Variants in KCNU1 observed in about 807,000 individuals in gnomAD.
KCNU1 encodes the protein potassium calcium-activated channel subfamily U member 1.
A neutral mutation model predicts 126.8 loss-of-function variants in KCNU1; 93 were observed. The observed-to-expected ratio is 0.73, with a 90% CI of 0.62 to 0.87. The LOEUF is 0.87. KCNU1 is among the 40% of genes least tolerant of loss of function. The probability of loss-of-function intolerance (pLI) is 0.00; values close to 1 mark genes in which losing one functional copy is unlikely to be tolerated. For missense variants in KCNU1, 1,330 were observed against 1,367.1 expected (o/e 0.97, Z 0.43); for synonymous variants, 523 against 494.2 (o/e 1.06, Z -0.77).
intron 19 of KCNU1, among the ~76,000 whole-genome samples, chr8:36,883,627 A>G (rs1327779619): frequency 6.6e-6 from 1 of 151,996 alleles, no homozygotes; most frequent in African/African-American, 2.4e-5. Flanking sequence ...CTACAAAAAA[A>G]GAAAACCACA....
chr8:36,909,364 A>G lies in KCNU1; in HGVS notation c.2160A>G (p.Val720=). 1 of 1,613,750 alleles carries G rather than the reference A, an allele frequency of 6.2e-7. No individual in the cohort carries two copies. The highest frequency in any genetic ancestry group is 8.5e-7 in the Non-Finnish European group (1 of 1,179,698). ...YKFRNHIVAC[V]FGDAHSAPMG... ...TTCGGAACCATATTGTAGCATGTGT[A>G]TTTGGAGATGCCCACTCAGCCCCGA... The change falls in exon 21 of 27, where the codon GTA becomes GTG. Residue 720 remains valine, a synonymous_variant. Coordinates refer to ENST00000399881, the MANE Select transcript of KCNU1 (RefSeq NM_001031836.3).
chr8:36,807,255 T>C, intron 5 of KCNU1, 120 bp from the exon 6 acceptor site: 3 of 739,502 alleles, frequency 4.1e-6, no homozygotes, highest in Non-Finnish European at 7.1e-6. Context: ...AACATGAGAA[T>C]AGATTTGGAA....
At chr8:36,877,798 C>A (rs1477055549) in intron 19 of KCNU1, among the ~76,000 whole-genome samples, 2 of 152,092 alleles carry the variant, frequency 1.3e-5, no homozygotes, top group African/African-American at 2.4e-5. Context: ...TTCTCCATGC[C>A]CTTAAGAATG....
chr8:36,813,580 T>C (rs1413168859), intron 7 of KCNU1, among the ~76,000 whole-genome samples: 1 of 151,254 alleles, frequency 6.6e-6, no homozygotes, highest in Non-Finnish European at 1.5e-5. Flanking sequence ...TTACCTCATT[T>C]ATCTAATATT....
chr8:36,934,694 C>G (rs1808802252), intron 26 of KCNU1, among the ~76,000 whole-genome samples: 1 of 152,080 alleles, frequency 6.6e-6, no homozygotes, highest in South Asian at 2.1e-4. Context: ...GAAGGAAATT[C>G]AATGGTGCCT....
At chr8:36,918,270 G>C (rs921448615) in intron 22 of KCNU1, among the ~76,000 whole-genome samples, 1 of 152,032 alleles carries the variant, frequency 6.6e-6, no homozygotes, top group East Asian at 1.9e-4. Flanking sequence ...AGCCAGGCAC[G>C]ATGGCTCATA....
chr8:36,919,828 A>G (rs1364582124), intron 23 of KCNU1, among the ~76,000 whole-genome samples: 1 of 152,242 alleles, frequency 6.6e-6, no homozygotes, highest in African/African-American at 2.4e-5. Flanking sequence ...ATCCCAAATT[A>G]GGTGAACATC....
At position 36,840,529 on chromosome 8, in the gene KCNU1, C is replaced by T. The variant is rs751214085; in HGVS notation, c.1585C>T (p.Arg529Cys). The change falls in exon 15 of 27, where the codon CGT (arginine) becomes TGT (cysteine). Residue 529 changes from arginine to cysteine, a missense_variant. This residue lies in a region of KCNU1 where 1,054 missense variants were observed against 1,053.9 expected (regional missense o/e 1.00). Coordinates refer to ENST00000399881, the MANE Select transcript of KCNU1 (RefSeq NM_001031836.3). ...NSMKNKILTQRLSDDFAGMSF... is the reference protein window; with the variant it reads ...NSMKNKILTQCLSDDFAGMSF... ...CATGAAAAACAAAATTCTGACCCAACGTCTCTCTGATGACTTTGCTGGAAT... is the reference window on the plus strand; with the variant it reads ...CATGAAAAACAAAATTCTGACCCAATGTCTCTCTGATGACTTTGCTGGAAT... 169 of 1,612,714 alleles carry T rather than the reference C, an allele frequency of 1.0e-4. No homozygotes were observed. Among genetic ancestry groups the T allele is most frequent in the Non-Finnish European group, 1.2e-4 (141 of 1,179,106 alleles).
At chr8:36,893,031 A>C (rs985177887) in intron 19 of KCNU1, among the ~76,000 whole-genome samples, 2 of 152,118 alleles carry the variant, frequency 1.3e-5, no homozygotes, top group African/African-American at 4.8e-5. Flanking sequence ...GCATGATCTC[A>C]GCTCACTGCA....
rs1238545977 is a variant in KCNU1 at position 36,909,501 on chromosome 8, T to A, written c.2297T>A (p.Phe766Tyr). 1 of 1,611,144 alleles carries A rather than the reference T, an allele frequency of 6.2e-7. No individual in the cohort carries two copies. Among genetic ancestry groups the A allele is most frequent in the South Asian group, 1.1e-5 (1 of 90,992 alleles). The change falls in exon 21 of 27, where the codon TTT becomes TAT. Residue 766 changes from phenylalanine to tyrosine, a missense_variant. By Grantham distance (22) the Phe-to-Tyr change is conservative. Around this residue, in one of 3 missense-constraint regions of KCNU1, gnomAD observed 1,054 missense variants for 1,053.9 expected, o/e 1.00. Transcript: ENST00000399881. Reference sequence around the variant, plus strand: ...GACTATCTACAGAGAGAATGGCGATTTCTCTGGAATTTTCCCCAGATATAC... The same window carrying A: ...GACTATCTACAGAGAGAATGGCGATATCTCTGGAATTTTCCCCAGATATAC... ...SLDYLQREWR[F>Y]LWNFPQIYIL...
In KCNU1 at chr8:36,833,557, C is replaced by T; in HGVS notation, c.1110C>T (p.Thr370=). 1.3e-6 allele frequency: 2 copies of T among 1,599,422 alleles called. No homozygotes were observed. Among genetic ancestry groups the T allele is most frequent in the South Asian group, 1.1e-5 (1 of 90,740 alleles). ...TGCCACGTTCTTTTTTGTCCAGAACCCCTCCTTCTTTGGAACTTGAAACCA... is the reference window on the plus strand; with the variant it reads ...TGCCACGTTCTTTTTTGTCCAGAACTCCTCCTTCTTTGGAACTTGAAACCA... ...INTEIVFLGE[T]PPSLELETIF... Residue 370 remains threonine, a synonymous_variant, in exon 11 of 27, where the codon ACC becomes ACT. Transcript: ENST00000399881.
chr8:36,816,519 T>C (rs1325770694), intron 9 of KCNU1, among the ~76,000 whole-genome samples: 1 of 152,132 alleles, frequency 6.6e-6, no homozygotes, highest in African/African-American at 2.4e-5. Context: ...AGGAAAAATA[T>C]GATGAAATGA....
chr8:36,842,166 A>G (rs1804980864), intron 16 of KCNU1, among the ~76,000 whole-genome samples: 1 of 152,214 alleles, frequency 6.6e-6, no homozygotes, highest in Non-Finnish European at 1.5e-5. Context: ...AGAATGAGGA[A>G]ATAGAGTTAA....
intron 2 of KCNU1, among the ~76,000 whole-genome samples, chr8:36,803,624 C>T (rs1354978121): frequency 2.0e-5 from 3 of 152,114 alleles, no homozygotes; most frequent in East Asian, 1.9e-4. Flanking sequence ...CCAATAACCC[C>T]TTCTTTTCTA....
chr8:36,790,453 A>C (rs941670149), intron 2 of KCNU1, among the ~76,000 whole-genome samples: 4 of 152,048 alleles, frequency 2.6e-5, no homozygotes, highest in Non-Finnish European at 5.9e-5. Flanking sequence ...TGAAATAGAG[A>C]AATAAATAGC....
intron 19 of KCNU1, among the ~76,000 whole-genome samples, chr8:36,884,651 G>A (rs770385897): frequency 6.6e-6 from 1 of 152,014 alleles, no homozygotes; most frequent in Non-Finnish European, 1.5e-5. Context: ...CAGTAGAATC[G>A]CTTGAACCCA....
At chr8:36,869,605 T>A (rs11995851) in intron 19 of KCNU1, among the ~76,000 whole-genome samples, 1 of 152,130 alleles carries the variant, frequency 6.6e-6, no homozygotes, top group African/African-American at 2.4e-5. Context: ...ATAGCACCTA[T>A]GGCAGACATG....
In KCNU1 at chr8:36,830,986, C is replaced by T. The variant is rs1409362142; in HGVS notation, c.1107-2568C>T. ...ATGTGTTCTCATTGTTCAATTCCCACCTATGAGTGAGAATATGCAGTATTT... is the reference window on the plus strand; with the variant it reads ...ATGTGTTCTCATTGTTCAATTCCCATCTATGAGTGAGAATATGCAGTATTT... On this transcript the variant is annotated intron_variant, in intron 10 of 26. Coordinates refer to ENST00000399881, the MANE Select transcript of KCNU1 (RefSeq NM_001031836.3). 2.7e-5 allele frequency among the ~76,000 whole-genome samples: 4 copies of T among 146,670 alleles called. No individual in the cohort carries two copies. In the Admixed American group the frequency reaches 2.8e-4, roughly 10 times the overall value.
chr8:36,894,721 C>T (rs1426361774), intron 19 of KCNU1, among the ~76,000 whole-genome samples: 1 of 152,006 alleles, frequency 6.6e-6, no homozygotes, highest in Non-Finnish European at 1.5e-5. Context: ...AAAATATATT[C>T]AAAGAAGTTG....
Sources: gnomAD v4.1 joint callset for allele counts (sites outside exome capture counted in the v4.1 genomes callset) on GRCh38, gnomAD v4.1.1 for gene constraint, gnomAD v4.1.1 regional missense constraint, MANE v1.5 for transcripts, NCBI Gene and HGNC (gene_info 2026-07-23, HGNC 2026-07-21) for gene names.